CDH12: variants seen among roughly 807,000 people sequenced by gnomAD.
CDH12 encodes cadherin-12.
Under a neutral mutation model 74.1 loss-of-function variants are expected in CDH12, and 41 were observed. The observed-to-expected ratio is 0.55, with a 90% CI of 0.43 to 0.72. The LOEUF (loss-of-function observed/expected upper bound fraction) is 0.72. CDH12 is among the 30% of genes least tolerant of loss of function. The pLI, the probability that CDH12 is intolerant of heterozygous loss-of-function variation, is 0.00. For missense variants in CDH12, 945 were observed against 977.2 expected, an observed-to-expected ratio of 0.97 and a Z score of 0.44; for synonymous variants, 399 against 355.0, an observed-to-expected ratio of 1.12 and a Z score of -1.39.
At chr5:22,078,940 G>A in intron 4 of CDH12, 78 bp from the exon 5 acceptor site, 1 of 657,270 alleles carries the variant, frequency 1.5e-6, no homozygotes, top group Admixed American at 4.5e-5. Flanking sequence ...CATTATATCT[G>A]CCAACATTTA....
chr5:22,153,940 GTA>G (rs1295818582), intron 4 of CDH12, among the ~76,000 whole-genome samples: 2 of 129,432 alleles, frequency 1.5e-5, no homozygotes, highest in Non-Finnish European at 3.2e-5. Flanking sequence ...ACATATATAT[GTA>G]TATATGTGTA....
At chr5:22,009,504 A>C (rs952932958) in intron 5 of CDH12, among the ~76,000 whole-genome samples, 53 of 152,190 alleles carry the variant, frequency 3.5e-4, no homozygotes, top group Non-Finnish European at 7.3e-4. Flanking sequence ...TGGTGATTAG[A>C]ACTGACGAGT....
intron 1 of CDH12, among the ~76,000 whole-genome samples, chr5:22,656,535 T>C (rs139848776): frequency 1.5e-4 from 23 of 152,286 alleles, no homozygotes; most frequent in African/African-American, 5.5e-4. Context: ...CATCAAATGT[T>C]AGGAAATATA....
intron 10 of CDH12, among the ~76,000 whole-genome samples, chr5:21,792,745 A>G (rs546046577): frequency 6.6e-6 from 1 of 151,530 alleles, no homozygotes; most frequent in African/African-American, 2.4e-5. Flanking sequence ...AAATAACTTT[A>G]TCTTTGACAA....
At chr5:22,749,206 C>G (rs1401351402) in intron 1 of CDH12, among the ~76,000 whole-genome samples, 1 of 152,194 alleles carries the variant, frequency 6.6e-6, no homozygotes, top group African/African-American at 2.4e-5. Context: ...ACAGCATGAG[C>G]ACAGCACAGA....
chr5:22,659,424 G>T (rs931376134), intron 1 of CDH12, among the ~76,000 whole-genome samples: 5 of 151,784 alleles, frequency 3.3e-5, no homozygotes, highest in Admixed American at 6.6e-5. Context: ...TAGTGTTAAT[G>T]AAATCAATTT....
At chr5:21,831,905 GC>G (rs1474602605) in intron 8 of CDH12, among the ~76,000 whole-genome samples, 2 of 151,936 alleles carry the variant, frequency 1.3e-5, no homozygotes, top group Non-Finnish European at 1.5e-5. Flanking sequence ...CATTATTCAT[GC>G]CACTCTGCCA....
At chr5:22,461,482 CAA>C (rs201972772) in intron 2 of CDH12, among the ~76,000 whole-genome samples, 6,282 of 121,884 alleles carry the variant, frequency 0.052, 231 homozygotes, top group African/African-American at 0.12. Flanking sequence ...TAAAAAAAAG[CAA>C]AAAAAAAAAA....
At chr5:22,449,348 T>A (rs1337203163) in intron 2 of CDH12, among the ~76,000 whole-genome samples, 3 of 152,032 alleles carry the variant, frequency 2.0e-5, no homozygotes, top group Admixed American at 1.3e-4. Context: ...CTCCTTTCAT[T>A]TCTCACCCCA....
chr5:21,883,577 G>T (rs878908199), intron 6 of CDH12: 1 of 1,605,236 alleles, frequency 6.2e-7, no homozygotes, highest in Non-Finnish European at 8.5e-7. Context: ...GAGAAGAGGG[G>T]TTGACCCTGA....
chr5:21,826,667 A>G (rs1457659692), intron 8 of CDH12, among the ~76,000 whole-genome samples: 1 of 152,198 alleles, frequency 6.6e-6, no homozygotes, highest in African/African-American at 2.4e-5. Context: ...TTACCCTTTT[A>G]GAAAATCCAT....
At chr5:21,891,902 A>G (rs530894285) in intron 6 of CDH12, among the ~76,000 whole-genome samples, 6 of 152,220 alleles carry the variant, frequency 3.9e-5, no homozygotes, top group African/African-American at 1.4e-4. Flanking sequence ...AAACAGAGAA[A>G]GATAAGAAAA....
In CDH12 at chr5:22,217,316, C is replaced by G. The variant is rs375847029; in HGVS notation, c.-332-4673G>C. Among the ~76,000 whole-genome samples the G allele has an allele frequency of 2.8e-4, 42 of 151,710 alleles. No individual in the cohort carries two copies. The East Asian group carries it at 8.1e-3, about 29-fold the overall frequency. On this transcript the variant is annotated intron_variant, in intron 3 of 14. Transcript: ENST00000382254. ...TAGCCATCCTCTCTATTGTCCTGAT[C>G]AGTAAAATTAATGTAAAGGTAACTT...
At chr5:22,602,948 T>G (rs1736920452) in intron 1 of CDH12, among the ~76,000 whole-genome samples, 1 of 152,174 alleles carries the variant, frequency 6.6e-6, no homozygotes, top group African/African-American at 2.4e-5. Context: ...CTCTGAGTCT[T>G]TCATTGACAT....
chr5:22,526,832 T>C (rs1331742340), intron 1 of CDH12, among the ~76,000 whole-genome samples: 1 of 152,184 alleles, frequency 6.6e-6, no homozygotes, highest in Non-Finnish European at 1.5e-5. Context: ...ATTGGCCTTT[T>C]ATACTATAAT....
chr5:22,752,451 A>G (rs1333661147), intron 1 of CDH12, among the ~76,000 whole-genome samples: 1 of 150,382 alleles, frequency 6.6e-6, no homozygotes, highest in African/African-American at 2.5e-5. Flanking sequence ...TCTACACCAG[A>G]AACTTTCCAC....
intron 1 of CDH12, among the ~76,000 whole-genome samples, chr5:22,710,704 A>C (rs2126973474): frequency 6.6e-6 from 1 of 152,266 alleles, no homozygotes; most frequent in Admixed American, 6.5e-5. Context: ...AGAATTAGAG[A>C]ATATTAAAAG....
intron 6 of CDH12, among the ~76,000 whole-genome samples, chr5:21,963,990 G>T (rs1756473335): frequency 6.6e-6 from 1 of 152,002 alleles, no homozygotes; most frequent in Non-Finnish European, 1.5e-5. Context: ...GATGTTTCTA[G>T]AATCCCCTTC....
At chr5:22,465,843 C>A (rs773801012) in intron 2 of CDH12, among the ~76,000 whole-genome samples, 46 of 152,124 alleles carry the variant, frequency 3.0e-4, no homozygotes, top group Non-Finnish European at 5.6e-4. Context: ...ATAAGTCAAA[C>A]CATAATCTCT....
Sources: allele counts gnomAD v4.1 joint callset (sites outside exome capture counted in the v4.1 genomes callset), GRCh38; gene constraint gnomAD v4.1.1; transcripts MANE v1.5; gene names NCBI Gene and HGNC (gene_info 2026-07-23, HGNC 2026-07-21).